The following MACROD2 variants were observed in gnomAD, a reference collection of about 807,000 sequenced individuals.
MACROD2 encodes the protein ADP-ribose glycohydrolase MACROD2.
A neutral mutation model predicts 70.4 loss-of-function variants in MACROD2; 36 were observed. That is an observed-to-expected ratio of 0.51 (90% confidence interval 0.39 to 0.68). The LOEUF (loss-of-function observed/expected upper bound fraction) is 0.68, where lower values mean the gene tolerates loss of function less well. MACROD2 is among the 30% of genes least tolerant of loss of function. The probability of loss-of-function intolerance (pLI) is 0.00; values close to 1 mark genes in which losing one functional copy is unlikely to be tolerated. For synonymous variants in MACROD2, 172 were observed against 178.8 expected (o/e 0.96, Z 0.30); for missense variants, 496 against 538.4 (o/e 0.92, Z 0.78).
chr20:14,358,282 A>T (rs932626280), intron 3 of MACROD2, among the ~76,000 whole-genome samples: 2 of 152,216 alleles, frequency 1.3e-5, no homozygotes, highest in Non-Finnish European at 2.9e-5. Flanking sequence ...CAACCTCTCA[A>T]GTAGATTAAC....
At chr20:15,620,428 C>T (rs1422023028) in intron 8 of MACROD2, among the ~76,000 whole-genome samples, 2 of 152,114 alleles carry the variant, frequency 1.3e-5, no homozygotes, top group Admixed American at 6.5e-5. Context: ...GCAATTACAA[C>T]ATCTTGTTAG....
rs1568725745 is a variant in MACROD2, at chr20:16,035,092, AATATTATATATTAT to A, written c.1154-6104_1154-6091del. Among the ~76,000 whole-genome samples the A allele has an allele frequency of 3.5e-3, 135 of 38,086 alleles. 4 individuals are homozygous for A. The highest frequency in any genetic ancestry group is 7.0e-3 in the Admixed American group (17 of 2,430). The allele number at this position is 38,086 out of a possible 152,430, so 25.0% of individuals were successfully genotyped here. A position where few individuals can be genotyped will look rare whatever the true frequency, so the allele number is the denominator to read the frequency against. On this transcript the variant is annotated intron_variant, in intron 15 of 17. Transcript: ENST00000684519. ...ATATAAAATATAATATGTAATATAAAATATTATATATTATATATAAAATATAATATAAAATATTA... is the reference window on the plus strand; with the variant it reads ...ATATAAAATATAATATGTAATATAAAATATAAAATATAATATAAAATATTA...
chr20:14,890,714 G>A (rs1266756162), intron 5 of MACROD2, among the ~76,000 whole-genome samples: 1 of 149,732 alleles, frequency 6.7e-6, no homozygotes, highest in African/African-American at 2.5e-5. Context: ...ATGAGCTAGG[G>A]CCACTGCACT....
chr20:15,906,895 C>T (rs1210323998), intron 10 of MACROD2, among the ~76,000 whole-genome samples: 1 of 152,188 alleles, frequency 6.6e-6, no homozygotes, highest in Non-Finnish European at 1.5e-5. Flanking sequence ...TGACAATATT[C>T]ACTCGCTTTG....
At chr20:14,525,185 G>T (rs1294371915) in intron 4 of MACROD2, among the ~76,000 whole-genome samples, 2 of 152,112 alleles carry the variant, frequency 1.3e-5, no homozygotes, top group East Asian at 3.9e-4. Flanking sequence ...TTATCTATCA[G>T]TCTAATTACC....
At chr20:15,906,597 CAA>C (rs199506898) in intron 10 of MACROD2, among the ~76,000 whole-genome samples, 16 of 140,500 alleles carry the variant, frequency 1.1e-4, no homozygotes, top group Non-Finnish European at 2.0e-4. Flanking sequence ...CTCCTTGTAA[CAA>C]AAAAAAAAAA....
intron 6 of MACROD2, among the ~76,000 whole-genome samples, chr20:15,346,845 A>G (rs536778602): frequency 2.0e-5 from 3 of 152,292 alleles, no homozygotes; most frequent in African/African-American, 7.2e-5. Flanking sequence ...AGAGATGGAA[A>G]CCTGTAGTGT....
intron 5 of MACROD2, among the ~76,000 whole-genome samples, chr20:15,158,909 C>A (rs1166474734): frequency 6.6e-6 from 1 of 152,108 alleles, no homozygotes; most frequent in Non-Finnish European, 1.5e-5. Context: ...ACCAGGAAAT[C>A]TGAAGATGTT....
chr20:15,970,009 A>T (rs2066206009), intron 13 of MACROD2, among the ~76,000 whole-genome samples: 1 of 152,030 alleles, frequency 6.6e-6, no homozygotes, highest in Non-Finnish European at 1.5e-5. Context: ...TAAACAAAAC[A>T]TCTAAAAAGC....
At chr20:15,889,245 A>G (rs997985512) in intron 10 of MACROD2, among the ~76,000 whole-genome samples, 2 of 152,136 alleles carry the variant, frequency 1.3e-5, no homozygotes, top group African/African-American at 4.8e-5. Flanking sequence ...AGATGGTACA[A>G]TTAGCTCGTG....
chr20:15,197,729 C>G (rs966953451), intron 5 of MACROD2, among the ~76,000 whole-genome samples: 26 of 152,220 alleles, frequency 1.7e-4, no homozygotes, highest in African/African-American at 5.8e-4. Flanking sequence ...CAGGGTCTTT[C>G]TCTATTGCCC....
intron 8 of MACROD2, among the ~76,000 whole-genome samples, chr20:15,850,663 G>T (rs2064287304): frequency 6.6e-6 from 1 of 152,200 alleles, no homozygotes; most frequent in Non-Finnish European, 1.5e-5. Flanking sequence ...GCTCTGGGTG[G>T]CTTTGGCCAT....
At chr20:15,799,757 G>T (rs2063707272) in intron 8 of MACROD2, among the ~76,000 whole-genome samples, 1 of 152,170 alleles carries the variant, frequency 6.6e-6, no homozygotes, top group Non-Finnish European at 1.5e-5. Context: ...ACAGGTGAGT[G>T]CAGGCATCCC....
At chr20:15,238,625 C>A (rs775842392) in intron 6 of MACROD2, among the ~76,000 whole-genome samples, 1 of 151,952 alleles carries the variant, frequency 6.6e-6, no homozygotes, top group Non-Finnish European at 1.5e-5. Context: ...ACTTTAGGAC[C>A]GTGATCAATT....
chr20:15,373,415 C>G (rs2045519918), intron 6 of MACROD2, among the ~76,000 whole-genome samples: 1 of 151,734 alleles, frequency 6.6e-6, no homozygotes. Context: ...TTTTTCTTTT[C>G]CTTTTTAGAG....
chr20:15,101,272 T>A (rs1304095500), intron 5 of MACROD2, among the ~76,000 whole-genome samples: 1 of 152,130 alleles, frequency 6.6e-6, no homozygotes, highest in African/African-American at 2.4e-5. Flanking sequence ...GAGCCCTTTT[T>A]GTTTTCTTGG....
chr20:15,395,060 G>C (rs1366038063), intron 6 of MACROD2, among the ~76,000 whole-genome samples: 1 of 152,070 alleles, frequency 6.6e-6, no homozygotes, highest in Non-Finnish European at 1.5e-5. Context: ...ACTTTGGATG[G>C]GCAATGAAGA....
chr20:14,719,447 T>A (rs1480567365), intron 5 of MACROD2, among the ~76,000 whole-genome samples: 2 of 146,174 alleles, frequency 1.4e-5, no homozygotes, highest in Non-Finnish European at 3.0e-5. Flanking sequence ...CCACTACAGT[T>A]CTATCAGGAA....
chr20:14,907,418 G>A (rs2073972288), intron 5 of MACROD2, among the ~76,000 whole-genome samples: 1 of 152,150 alleles, frequency 6.6e-6, no homozygotes. Context: ...AGCCAAGAAC[G>A]CTCCTGAACT....
Sources: allele counts gnomAD v4.1 joint callset (sites outside exome capture counted in the v4.1 genomes callset), GRCh38; gene constraint gnomAD v4.1.1; transcripts MANE v1.5; gene names NCBI Gene and HGNC (gene_info 2026-07-23, HGNC 2026-07-21).